TENM4: variants seen among roughly 807,000 people sequenced by gnomAD.
TENM4 encodes teneurin transmembrane protein 4, also known as teneurin-4.
In TENM4, 82 loss-of-function variants were observed where a neutral mutation model predicts 243.3. The observed-to-expected ratio is 0.34, with a 90% CI of 0.28 to 0.40. The LOEUF (loss-of-function observed/expected upper bound fraction) is 0.40, where lower values mean the gene tolerates loss of function less well. TENM4 is among the 10% of genes least tolerant of loss of function. The pLI, the probability that TENM4 is intolerant of heterozygous loss-of-function variation, is 1.00. For missense variants in TENM4, 3,138 were observed against 3,673.3 expected (o/e 0.85, Z 3.77); for synonymous variants, 1,412 against 1,456.3 (o/e 0.97, Z 0.69).
At chr11:78,726,296 G>T in intron 22 of TENM4, 74 bp from the exon 23 acceptor site, 3 of 1,506,790 alleles carry the variant, frequency 2.0e-6, no homozygotes, top group Admixed American at 2.2e-5. Context: ...CTGTAGGCAA[G>T]GCCCCTGGCT....
At chr11:79,428,645 G>C (rs1859104454) in intron 1 of TENM4, among the ~76,000 whole-genome samples, 1 of 152,230 alleles carries the variant, frequency 6.6e-6, no homozygotes, top group South Asian at 2.1e-4. Context: ...CCAGCACTCA[G>C]AAGGCAGCTG....
At chr11:79,307,152 C>T (rs1406721173) in intron 1 of TENM4, among the ~76,000 whole-genome samples, 4 of 152,134 alleles carry the variant, frequency 2.6e-5, no homozygotes, top group African/African-American at 9.7e-5. Context: ...CGGTTTTACT[C>T]CCCCAGTTTT....
At chr11:79,085,093 C>G (rs1277584042) in intron 4 of TENM4, among the ~76,000 whole-genome samples, 1 of 151,478 alleles carries the variant, frequency 6.6e-6, no homozygotes, top group Non-Finnish European at 1.5e-5. Flanking sequence ...TTTTTTTTGG[C>G]CGGGTGTAGT....
chr11:78,684,247 C>T (rs1343617192), intron 29 of TENM4, among the ~76,000 whole-genome samples: 1 of 152,242 alleles, frequency 6.6e-6, no homozygotes, highest in Non-Finnish European at 1.5e-5. Context: ...CAGGTTCCAG[C>T]TCTGTGGCTG....
chr11:78,909,152 T>C (rs1032742890), intron 6 of TENM4, among the ~76,000 whole-genome samples: 5 of 152,118 alleles, frequency 3.3e-5, no homozygotes, highest in African/African-American at 1.2e-4. Context: ...ATAAAACAAA[T>C]ATGGTCCTTG....
intron 12 of TENM4, among the ~76,000 whole-genome samples, chr11:78,826,261 G>T (rs896607289): frequency 2.0e-5 from 3 of 151,492 alleles, no homozygotes; most frequent in African/African-American, 7.3e-5. Context: ...CTAATTTTTT[G>T]TATTTAATAG....
In TENM4 at chr11:78,948,992, G is replaced by A. The variant is rs559563566; in HGVS notation, c.494-45469C>T. ...GGATGGCTCACTAATGGAGTGCTAA[G>A]TTTGGTCACTTGGTTAAGGTGGTGA... On this transcript the variant is annotated intron_variant, in intron 6 of 33. Transcript: ENST00000278550. Among the ~76,000 whole-genome samples the A allele has an allele frequency of 2.6e-5, 4 of 152,324 alleles. No homozygotes were observed. In the East Asian group the frequency reaches 5.8e-4, roughly 22 times the overall value.
chr11:79,384,377 C>G (rs976102556), intron 1 of TENM4, among the ~76,000 whole-genome samples: 1 of 152,190 alleles, frequency 6.6e-6, no homozygotes, highest in African/African-American at 2.4e-5. Flanking sequence ...CTGTGGGCTT[C>G]AGAGCATCCC....
intron 6 of TENM4, among the ~76,000 whole-genome samples, chr11:78,944,406 G>C (rs187557023): frequency 7.9e-5 from 12 of 152,302 alleles, no homozygotes; most frequent in Non-Finnish European, 1.3e-4. Context: ...GAAAAAACCA[G>C]GTTGCCTTAT....
At chr11:78,956,465 G>A (rs544669352) in intron 6 of TENM4, among the ~76,000 whole-genome samples, 1 of 152,174 alleles carries the variant, frequency 6.6e-6, no homozygotes, top group Non-Finnish European at 1.5e-5. Flanking sequence ...GCTGGTGTTG[G>A]CCTCCTGAAC....
intron 6 of TENM4, among the ~76,000 whole-genome samples, chr11:78,910,831 C>G (rs1426162157): frequency 6.6e-6 from 1 of 152,178 alleles, no homozygotes; most frequent in East Asian, 1.9e-4. Flanking sequence ...TCACTTTAGT[C>G]CTATGTCACG....
At chr11:78,968,857 G>A (rs1857487456) in intron 6 of TENM4, among the ~76,000 whole-genome samples, 1 of 152,208 alleles carries the variant, frequency 6.6e-6, no homozygotes, top group African/African-American at 2.4e-5. Context: ...TTTCCACCAG[G>A]CATAGGGAAA....
At chr11:79,334,473 C>T (rs1416486400) in intron 1 of TENM4, among the ~76,000 whole-genome samples, 2 of 152,214 alleles carry the variant, frequency 1.3e-5, no homozygotes, top group African/African-American at 4.8e-5. Context: ...TCCCTGAGCA[C>T]TTTCTAACAC....
chr11:79,322,422 C>A (rs1369458270), intron 1 of TENM4, among the ~76,000 whole-genome samples: 1 of 152,174 alleles, frequency 6.6e-6, no homozygotes, highest in Non-Finnish European at 1.5e-5. Context: ...ATGTGGCTGG[C>A]CCTGCTCCTA....
In TENM4 at chr11:78,862,575, C is replaced by A. The variant is rs142843812; in HGVS notation, c.1255+387G>T. On this transcript the variant is annotated intron_variant, in intron 10 of 33. Transcript: ENST00000278550. ...GTCCAAGAATCTTTCCATTACAACA[C>A]CCCATCTACCTGCCTCCCCATACCC... is the stretch of plus-strand genomic sequence containing the variant. 3.9e-5 allele frequency among the ~76,000 whole-genome samples: 6 copies of A among 152,198 alleles called. No homozygotes were observed. In the South Asian group the frequency reaches 1.2e-3, roughly 32 times the overall value.
At chr11:79,419,773 C>A (rs1858892311) in intron 1 of TENM4, among the ~76,000 whole-genome samples, 1 of 152,202 alleles carries the variant, frequency 6.6e-6, no homozygotes, top group South Asian at 2.1e-4. Flanking sequence ...CACATCTCCA[C>A]TCCTTGGCCT....
intron 6 of TENM4, among the ~76,000 whole-genome samples, chr11:79,026,937 G>A (rs1322443272): frequency 6.6e-6 from 1 of 152,224 alleles, no homozygotes; most frequent in Admixed American, 6.5e-5. Flanking sequence ...CAGAGAGAGA[G>A]AGAGAGTTCA....
At chr11:78,768,115 C>T (rs1361310337) in intron 18 of TENM4, among the ~76,000 whole-genome samples, 1 of 152,260 alleles carries the variant, frequency 6.6e-6, no homozygotes, top group Non-Finnish European at 1.5e-5. Context: ...CCTTACTACC[C>T]TGGCACTTGG....
chr11:79,241,641 C>T (rs1855419084), intron 2 of TENM4, among the ~76,000 whole-genome samples: 1 of 152,148 alleles, frequency 6.6e-6, no homozygotes, highest in Non-Finnish European at 1.5e-5. Context: ...GGTGCCCACT[C>T]ATTGTAGCCT....
Sources: allele counts gnomAD v4.1 joint callset (sites outside exome capture counted in the v4.1 genomes callset), GRCh38; gene constraint gnomAD v4.1.1; transcripts MANE v1.5; gene names NCBI Gene and HGNC (gene_info 2026-07-23, HGNC 2026-07-21).